TAFA2: variants seen among roughly 807,000 people sequenced by gnomAD.
TAFA2 encodes chemokine-like protein TAFA-2.
TAFA2 carries 7 observed loss-of-function variants against 18.8 expected under a neutral mutation model. That is an observed-to-expected ratio of 0.37 (90% CI 0.21 to 0.70). The LOEUF (loss-of-function observed/expected upper bound fraction) is 0.70. Ranked by LOEUF, TAFA2 falls within the 30% of genes least tolerant of loss-of-function variation. The pLI is 0.53. For missense variants in TAFA2, 122 were observed against 158.1 expected (o/e 0.77, Z 1.23); for synonymous variants, 60 against 54.2 (o/e 1.11, Z -0.47).
intron 2 of TAFA2, among the ~76,000 whole-genome samples, chr12:61,832,238 C>T (rs1044370465): frequency 3.4e-4 from 52 of 152,032 alleles, no homozygotes; most frequent in African/African-American, 9.4e-4. Flanking sequence ...AAATCAGGAA[C>T]GGCCATGCAA....
chr12:61,885,804 G>C (rs2124539), intron 1 of TAFA2, among the ~76,000 whole-genome samples: 1 of 152,098 alleles, frequency 6.6e-6, no homozygotes, highest in Non-Finnish European at 1.5e-5. Flanking sequence ...CGTGAGTGTC[G>C]GTGTTACATC....
intron 2 of TAFA2, among the ~76,000 whole-genome samples, chr12:61,834,201 C>T (rs1343434148): frequency 1.3e-5 from 2 of 151,992 alleles, no homozygotes; most frequent in African/African-American, 2.4e-5. Context: ...TAGCTTCTGC[C>T]CCAATCTCCA....
intron 1 of TAFA2, among the ~76,000 whole-genome samples, chr12:61,901,214 A>T (rs1278690983): frequency 7.2e-5 from 11 of 151,818 alleles, no homozygotes; most frequent in Non-Finnish European, 4.4e-5. Flanking sequence ...AATTATTCTA[A>T]TGTCAAACTT....
At chr12:61,911,895 G>C (rs949527885) in intron 1 of TAFA2, among the ~76,000 whole-genome samples, 1 of 152,104 alleles carries the variant, frequency 6.6e-6, no homozygotes, top group Non-Finnish European at 1.5e-5. Context: ...AAGATGTAGA[G>C]AACAAGAACC....
chr12:62,076,624 A>G (rs901596544), intron 1 of TAFA2, among the ~76,000 whole-genome samples: 1 of 152,168 alleles, frequency 6.6e-6, no homozygotes, highest in Non-Finnish European at 1.5e-5. Context: ...TTCCAGGAGC[A>G]TTCTTCACCC....
chr12:61,883,676 C>A (rs1187125780), intron 1 of TAFA2, among the ~76,000 whole-genome samples: 1 of 152,134 alleles, frequency 6.6e-6, no homozygotes, highest in Non-Finnish European at 1.5e-5. Context: ...CAAAAGGTGA[C>A]TTCATGAAAT....
chr12:61,980,604 C>A (rs758487808), intron 1 of TAFA2, among the ~76,000 whole-genome samples: 1 of 152,214 alleles, frequency 6.6e-6, no homozygotes, highest in Non-Finnish European at 1.5e-5. Context: ...GCAACTTCAG[C>A]AAAGTCTCAG....
At chr12:62,177,498 G>C (rs2062521752) in intron 1 of TAFA2, among the ~76,000 whole-genome samples, 1 of 152,154 alleles carries the variant, frequency 6.6e-6, no homozygotes, top group Non-Finnish European at 1.5e-5. Flanking sequence ...GACATTTCCT[G>C]GGAGATCTCA....
chr12:61,778,377 C>A (rs1372640819), intron 2 of TAFA2, among the ~76,000 whole-genome samples: 2 of 151,738 alleles, frequency 1.3e-5, no homozygotes, highest in Non-Finnish European at 2.9e-5. Flanking sequence ...TGGCTTCTCA[C>A]CTGGGACTCA....
At chr12:61,785,272 T>C (rs759645665) in intron 2 of TAFA2, among the ~76,000 whole-genome samples, 4 of 151,352 alleles carry the variant, frequency 2.6e-5, no homozygotes, top group Non-Finnish European at 4.4e-5. Flanking sequence ...TCCATACATG[T>C]TGCTACAAAT....
chr12:62,184,192 A>G (rs2062569532), intron 1 of TAFA2, among the ~76,000 whole-genome samples: 1 of 152,194 alleles, frequency 6.6e-6, no homozygotes, highest in African/African-American at 2.4e-5. Flanking sequence ...CATATCTTCA[A>G]CTAGAAAAGT....
rs558016620 is a variant in TAFA2, at chr12:62,183,114, G to C, written c.-2+8145C>G. ...CCAATGTGATGGTATTTGTAGGTGGGACCTTTGAGAAGTAATTATATCATG... is the reference window on the plus strand; with the variant it reads ...CCAATGTGATGGTATTTGTAGGTGGCACCTTTGAGAAGTAATTATATCATG... On this transcript the variant is annotated intron_variant, in intron 1 of 4. Coordinates refer to ENST00000416284, the MANE Select transcript of TAFA2 (RefSeq NM_178539.5). Among the ~76,000 whole-genome samples the C allele has an allele frequency of 1.7e-3, 260 of 152,254 alleles. 1 individual carries two copies. Among genetic ancestry groups the C allele is most frequent in the Non-Finnish European group, 2.6e-3 (174 of 68,010 alleles).
At chr12:61,978,532 G>T (rs193052387) in intron 1 of TAFA2, among the ~76,000 whole-genome samples, 1 of 151,812 alleles carries the variant, frequency 6.6e-6, no homozygotes, top group East Asian at 2.0e-4. Flanking sequence ...GTACCACGGG[G>T]GATGCAGAAG....
In TAFA2 at chr12:61,963,674, A is replaced by AT. The variant is rs373051244; in HGVS notation, c.-1-96249dup. 3.9e-3 allele frequency among the ~76,000 whole-genome samples: 588 copies of AT among 152,018 alleles called. 3 individuals are homozygous for AT. The highest frequency in any genetic ancestry group is 0.014 in the African/African-American group (564 of 41,486). The stretch of plus-strand genomic sequence containing the variant: ...CTGCCCAAAGTAATTTATAGATTCG[A>AT]TGCTATCCCCATCAAGCTACCATTG... On this transcript the variant is annotated intron_variant, in intron 1 of 4. Coordinates refer to ENST00000416284, the MANE Select transcript of TAFA2 (RefSeq NM_178539.5).
chr12:62,195,936 C>A (rs552254942), upstream of TAFA2, among the ~76,000 whole-genome samples: 1 of 152,294 alleles, frequency 6.6e-6, no homozygotes, highest in East Asian at 1.9e-4. Context: ...CAGATGTCAT[C>A]CTCTTCCAAT....
chr12:62,047,027 T>C (rs149875365), intron 1 of TAFA2, among the ~76,000 whole-genome samples: 3,147 of 152,062 alleles, frequency 0.021, 39 homozygotes, highest in Non-Finnish European at 0.034. Context: ...TTAACACCCA[T>C]AGAAAATGTG....
chr12:61,712,191 T>C (rs1008495083), intron 4 of TAFA2, among the ~76,000 whole-genome samples: 3 of 152,132 alleles, frequency 2.0e-5, no homozygotes, highest in African/African-American at 7.2e-5. Flanking sequence ...TGCATAAATG[T>C]GGTGCCATGA....
At chr12:61,952,344 A>C (rs1878498935) in intron 1 of TAFA2, among the ~76,000 whole-genome samples, 1 of 152,190 alleles carries the variant, frequency 6.6e-6, no homozygotes, top group Non-Finnish European at 1.5e-5. Context: ...AGGATTAATA[A>C]AATGTAAAAT....
rs577523734 is a variant in TAFA2 at position 62,072,193 on chromosome 12, G to T, written c.-2+119066C>A. Among the ~76,000 whole-genome samples the T allele has an allele frequency of 3.9e-5, 6 of 152,174 alleles. No homozygotes were observed. The East Asian group carries it at 1.2e-3, about 30-fold the overall frequency. On this transcript the variant is annotated intron_variant, in intron 1 of 4. Transcript: ENST00000416284. Reference sequence around the variant, plus strand: ...AAATAATCCATTCCTGGCCGGGCGCGGTGGCTCACGCCTGTAATCCCAGCA... The same window carrying T: ...AAATAATCCATTCCTGGCCGGGCGCTGTGGCTCACGCCTGTAATCCCAGCA...
Sources: allele counts gnomAD v4.1 joint callset (sites outside exome capture counted in the v4.1 genomes callset), GRCh38; gene constraint gnomAD v4.1.1; transcripts MANE v1.5; gene names NCBI Gene and HGNC (gene_info 2026-07-23, HGNC 2026-07-21).